NTM: variants seen among roughly 807,000 people sequenced by gnomAD.
NTM encodes the protein IgLON family member 2.
Under a neutral mutation model 42.1 loss-of-function variants are expected in NTM, and 13 were observed. The ratio of observed to expected loss-of-function variants is 0.31; its 90% CI spans 0.20 to 0.49. The LOEUF is 0.49. NTM is among the 20% of genes least tolerant of loss of function. The pLI, the probability that NTM is intolerant of heterozygous loss-of-function variation, is 0.99. For missense variants in NTM, 373 were observed against 452.8 expected, an observed-to-expected ratio of 0.82 and a Z score of 1.60; for synonymous variants, 187 against 179.2, an observed-to-expected ratio of 1.04 and a Z score of -0.35.
At chr11:131,646,081 T>C (rs2065739937) in intron 1 of NTM, among the ~76,000 whole-genome samples, 1 of 152,244 alleles carries the variant, frequency 6.6e-6, no homozygotes, top group Non-Finnish European at 1.5e-5. Context: ...ATAAGCCCAC[T>C]TCCTGGGCAG....
intron 1 of NTM, among the ~76,000 whole-genome samples, chr11:131,495,569 T>C (rs1319258895): frequency 2.0e-5 from 3 of 152,246 alleles, no homozygotes; most frequent in Non-Finnish European, 4.4e-5. Flanking sequence ...TGGTCGATAC[T>C]TGGGAGTAGG....
intron 4 of NTM, among the ~76,000 whole-genome samples, chr11:132,220,434 A>G (rs1041367784): frequency 6.6e-6 from 1 of 152,228 alleles, no homozygotes; most frequent in Non-Finnish European, 1.5e-5. Flanking sequence ...TGTAAATTTA[A>G]TATTTATGAT....
chr11:132,266,682 T>C (rs1466580196), intron 4 of NTM, among the ~76,000 whole-genome samples: 1 of 152,230 alleles, frequency 6.6e-6, no homozygotes, highest in African/African-American at 2.4e-5. Flanking sequence ...AGAATCCAAG[T>C]GCCCTAGATC....
intron 1 of NTM, among the ~76,000 whole-genome samples, chr11:131,405,905 T>A (rs1321346745): frequency 6.6e-6 from 1 of 152,214 alleles, no homozygotes; most frequent in East Asian, 1.9e-4. Context: ...TTGCCATGTC[T>A]TCTTCCTGGA....
intron 4 of NTM, among the ~76,000 whole-genome samples, chr11:132,246,556 C>T (rs1022830346): frequency 1.3e-5 from 2 of 152,184 alleles, no homozygotes; most frequent in Admixed American, 6.5e-5. Flanking sequence ...TAGTTGACTC[C>T]CTCTCTGGTT....
At chr11:132,166,824 T>G (rs1388212697) in intron 3 of NTM, among the ~76,000 whole-genome samples, 1 of 152,212 alleles carries the variant, frequency 6.6e-6, no homozygotes. Flanking sequence ...ATTCCTAGCA[T>G]TATGGCTACT....
chr11:131,818,731 G>A lies in NTM; in HGVS notation c.83-92833G>A, dbSNP rs112418640. ...GCTGGAGATAATGAATGTGAAAGGCGGTTGCTATCGTGCTTTTACACTTAC... is the reference window on the plus strand; with the variant it reads ...GCTGGAGATAATGAATGTGAAAGGCAGTTGCTATCGTGCTTTTACACTTAC... On this transcript the variant is annotated intron_variant, in intron 1 of 8. Transcript: ENST00000683400. 3.4e-4 allele frequency among the ~76,000 whole-genome samples: 51 copies of A among 152,208 alleles called. No individual in the cohort carries two copies. The South Asian group carries it at 7.5e-3, about 22-fold the overall frequency.
chr11:131,582,663 T>C (rs967484897), intron 1 of NTM, among the ~76,000 whole-genome samples: 3 of 152,122 alleles, frequency 2.0e-5, no homozygotes, highest in Admixed American at 2.0e-4. Context: ...TTCAAAACAC[T>C]CAGGACAATT....
rs1203193851 is a variant in NTM at position 132,255,066 on chromosome 11, A to G, written c.526+42919A>G. On this transcript the variant is annotated intron_variant, in intron 4 of 8. Transcript: ENST00000683400. ...CCTGCAGCCTTGCTTCTAGAACCAC[A>G]TGCGGAGTTGAGGTTTCTATGCCTG... 5.3e-5 allele frequency among the ~76,000 whole-genome samples: 8 copies of G among 152,348 alleles called. 1 individual carries two copies. In the South Asian group the frequency reaches 1.4e-3, roughly 28 times the overall value.
chr11:131,656,851 G>A (rs2067248881), intron 1 of NTM, among the ~76,000 whole-genome samples: 1 of 152,174 alleles, frequency 6.6e-6, no homozygotes, highest in Non-Finnish European at 1.5e-5. Flanking sequence ...CACTTCCCAA[G>A]AAGATGACCT....
chr11:131,851,685 T>G (rs1399722438), intron 1 of NTM, among the ~76,000 whole-genome samples: 1 of 152,078 alleles, frequency 6.6e-6, no homozygotes, highest in Non-Finnish European at 1.5e-5. Context: ...CAAATGCCAT[T>G]GCAGCACCTT....
intron 3 of NTM, among the ~76,000 whole-genome samples, chr11:132,179,626 C>G (rs1592051962): frequency 1.3e-5 from 2 of 152,262 alleles, no homozygotes; most frequent in South Asian, 4.1e-4. Flanking sequence ...AAGATCCTTC[C>G]AAGTCATTTT....
At chr11:132,270,795 C>T (rs1449965676) in intron 4 of NTM, among the ~76,000 whole-genome samples, 1 of 152,074 alleles carries the variant, frequency 6.6e-6, no homozygotes, top group Non-Finnish European at 1.5e-5. Context: ...ACTTGTTCCA[C>T]ATCCTTGCTC....
At chr11:131,537,889 G>A (rs1429897379) in intron 1 of NTM, 1 of 152,162 alleles carries the variant, frequency 6.6e-6, no homozygotes, top group Non-Finnish European at 1.5e-5. Flanking sequence ...TGCTGCGCTG[G>A]TCAGCACACA....
intron 1 of NTM, among the ~76,000 whole-genome samples, chr11:131,532,353 C>T (rs548571916): frequency 2.1e-4 from 32 of 152,232 alleles, no homozygotes; most frequent in African/African-American, 6.7e-4. Flanking sequence ...TTTCATTTAG[C>T]GTAAGGTTTT....
intron 2 of NTM, among the ~76,000 whole-genome samples, chr11:132,045,015 C>T (rs979883126): frequency 3.3e-5 from 5 of 152,160 alleles, no homozygotes; most frequent in Admixed American, 2.6e-4. Context: ...GGACTTCTCC[C>T]TAACTCATTA....
At chr11:131,415,937 C>A (rs566281404) in intron 1 of NTM, among the ~76,000 whole-genome samples, 1 of 152,200 alleles carries the variant, frequency 6.6e-6, no homozygotes, top group South Asian at 2.1e-4. Context: ...TACACAATGT[C>A]CTTCATTATT....
intron 1 of NTM, among the ~76,000 whole-genome samples, chr11:131,902,920 C>T (rs768809669): frequency 3.3e-5 from 5 of 152,152 alleles, no homozygotes; most frequent in Non-Finnish European, 7.3e-5. Context: ...GTATATGTAT[C>T]CGTGTGTGTA....
rs141698337 is a variant in NTM, at chr11:131,968,174, A to G, written c.167+56526A>G. ...AAAGTGAATAAGGATCTCCTCCCCT[A>G]CATATTTTACTGGGAAATAAAAAAC... is the stretch of plus-strand genomic sequence containing the variant. On this transcript the variant is annotated intron_variant, in intron 2 of 8. Coordinates refer to ENST00000683400, the MANE Select transcript of NTM (RefSeq NM_001352005.2). Among the ~76,000 whole-genome samples the G allele has an allele frequency of 5.9e-5, 9 of 152,328 alleles. No homozygotes were observed. The East Asian group carries it at 1.5e-3, about 26-fold the overall frequency.
Sources: allele counts gnomAD v4.1 joint callset (sites outside exome capture counted in the v4.1 genomes callset), GRCh38; gene constraint gnomAD v4.1.1; transcripts MANE v1.5; gene names NCBI Gene and HGNC (gene_info 2026-07-23, HGNC 2026-07-21).